TRIP11: variants seen among roughly 807,000 people sequenced by gnomAD.
TRIP11 encodes thyroid receptor-interacting protein 11.
TRIP11 carries 148 observed loss-of-function variants against 223.1 expected under a neutral mutation model. That is an observed-to-expected ratio of 0.66 (90% CI 0.58 to 0.76). The LOEUF (loss-of-function observed/expected upper bound fraction) is 0.76, where lower values mean the gene tolerates loss of function less well. Among genes scored for constraint, TRIP11 ranks in the 30% least tolerant of loss-of-function variants. The pLI is 0.00. For synonymous variants in TRIP11, 762 were observed against 772.6 expected (o/e 0.99, Z 0.23); for missense variants, 2,043 against 2,222.0 (o/e 0.92, Z 1.62).
chr14:92,026,404 TAAG>T (rs1486601539), intron 2 of TRIP11, among the ~76,000 whole-genome samples: 1 of 152,158 alleles, frequency 6.6e-6, no homozygotes, highest in African/African-American at 2.4e-5. Flanking sequence ...AATGAAATAA[TAAG>T]AACATAATGG....
At chr14:91,992,908 CAAAAAAAAA>C (rs550702989) in intron 15 of TRIP11, among the ~76,000 whole-genome samples, 7 of 29,250 alleles carry the variant, frequency 2.4e-4, no homozygotes, top group Non-Finnish European at 4.4e-4. Flanking sequence ...GACTCCGTCT[CAAAAAAAAA>C]AAAAAAAAAA....
At chr14:92,029,400 A>G (rs1223768398) in intron 2 of TRIP11, among the ~76,000 whole-genome samples, 1 of 145,758 alleles carries the variant, frequency 6.9e-6, no homozygotes, top group African/African-American at 2.6e-5. Context: ...GGTTCAAGCA[A>G]TTCTCCTGCC....
chr14:92,035,003 C>A (rs1441938314), intron 1 of TRIP11, among the ~76,000 whole-genome samples: 1 of 151,646 alleles, frequency 6.6e-6, no homozygotes, highest in Non-Finnish European at 1.5e-5. Context: ...ACCACTAATG[C>A]TGTTAGAAAA....
At chr14:91,992,134 T>C (rs1054956351) in intron 15 of TRIP11, among the ~76,000 whole-genome samples, 11 of 131,696 alleles carry the variant, frequency 8.4e-5, no homozygotes, top group Non-Finnish European at 1.5e-4. Flanking sequence ...TGAATTTACA[T>C]ATAGTTCAAA....
intron 14 of TRIP11, among the ~76,000 whole-genome samples, chr14:91,994,912 A>C (rs1265837766): frequency 6.6e-6 from 1 of 152,254 alleles, no homozygotes; most frequent in Non-Finnish European, 1.5e-5. Flanking sequence ...GAACATGTGA[A>C]TCACCATTTC....
intron 16 of TRIP11, among the ~76,000 whole-genome samples, chr14:91,986,186 T>C (rs1318707970): frequency 6.6e-6 from 1 of 152,194 alleles, no homozygotes; most frequent in African/African-American, 2.4e-5. Context: ...CAATGAATAT[T>C]AGTATTTTCC....
In TRIP11 at chr14:92,037,176, T is replaced by C. The variant is rs1182089194; in HGVS notation, c.139+2371A>G. On this transcript the variant is annotated intron_variant, in intron 1 of 20. Transcript: ENST00000267622. The surrounding 1 kb of genome is among the most constrained non-coding windows in gnomAD (Gnocchi z 4.2). ...CCATTTTTATTGAGCATCTACTATGTGCCAAAAGGAAGGTGTCACATATTT... is the reference window on the plus strand; with the variant it reads ...CCATTTTTATTGAGCATCTACTATGCGCCAAAAGGAAGGTGTCACATATTT... 6.6e-6 allele frequency among the ~76,000 whole-genome samples: 1 copy of C among 152,208 alleles called. No homozygotes were observed. Among genetic ancestry groups the C allele is most frequent in the Non-Finnish European group, 1.5e-5 (1 of 68,046 alleles).
In TRIP11 at chr14:92,015,665, AT is replaced by A. The variant is rs201215430; in HGVS notation, c.823+30del. 7.8e-6 allele frequency: 12 copies of A among 1,532,570 alleles called. No individual in the cohort carries two copies. The African/African-American group carries it at 9.9e-5, about 13-fold the overall frequency. 94.9% of individuals were successfully genotyped at this position (1,532,570 alleles called of 1,614,324 possible). On this transcript the variant is annotated intron_variant, in intron 6 of 20. Transcript: ENST00000267622. ...AGATGGAGACTCCATCTCAAAAAAA[AT>A]AATAATAATAAAGAAATAAAACTAA...
rs2056493380 is a variant in TRIP11 at position 91,978,266 on chromosome 14, G to A, written c.5261-2077C>T. ...TTAACCGTCCCACTCACAAACTAAA[G>A]TAGGAGACAGAGTAAAGATGGGCAT... On this transcript the variant is annotated intron_variant, in intron 16 of 20. Coordinates refer to ENST00000267622, the MANE Select transcript of TRIP11 (RefSeq NM_004239.4). This position sits in a 1 kb window ranked among gnomAD's most constrained non-coding sequence, Gnocchi z 4.4. 1.3e-5 allele frequency among the ~76,000 whole-genome samples: 2 copies of A among 152,032 alleles called. No individual in the cohort carries two copies. Among genetic ancestry groups the A allele is most frequent in the Admixed American group, 6.6e-5 (1 of 15,246 alleles).
intron 3 of TRIP11, 80 bp from the exon 4 acceptor site, chr14:92,021,911 CACAAT>C: frequency 6.9e-7 from 1 of 1,459,792 alleles, no homozygotes; most frequent in Non-Finnish European, 9.4e-7. Flanking sequence ...TATTAAAAGA[CACAAT>C]ACAATAATTT....
At chr14:92,033,351 A>C in intron 1 of TRIP11, 98 bp from the exon 2 acceptor site, 1 of 935,382 alleles carries the variant, frequency 1.1e-6, no homozygotes, top group Admixed American at 2.1e-5. Flanking sequence ...GTTTACACAG[A>C]ATAGTAGGCT....
In TRIP11 at chr14:92,029,899, T is replaced by C. The variant is rs142601129; in HGVS notation, c.201+3293A>G. 3.0e-3 allele frequency among the ~76,000 whole-genome samples: 453 copies of C among 151,632 alleles called. 4 individuals carry two copies. Among genetic ancestry groups the C allele is most frequent in the African/African-American group, 0.01 (428 of 41,380 alleles). On this transcript the variant is annotated intron_variant, in intron 2 of 20. Transcript: ENST00000267622. ...ATATCCTGGAAGAATTTTCTAAAAG[T>C]CAAGAATTGATGAGTGGGCCGGGCG...
intron 11 of TRIP11, 120 bp from the exon 12 acceptor site, chr14:92,000,228 T>C: frequency 6.7e-7 from 1 of 1,484,392 alleles, no homozygotes; most frequent in Non-Finnish European, 9.2e-7. Flanking sequence ...CCTCCCGATT[T>C]ACTCTCTGAG....
At chr14:91,971,228 C>A (rs2056397174) in intron 20 of TRIP11, among the ~76,000 whole-genome samples, 1 of 152,160 alleles carries the variant, frequency 6.6e-6, no homozygotes, top group South Asian at 2.1e-4. Flanking sequence ...ATAAAAAAGA[C>A]CTCCTAAAGC....
Position 92,006,188 on chromosome 14 carries a change from T to A in TRIP11, c.1788A>T (p.Gln596His). The A allele has an allele frequency of 6.2e-7, 1 of 1,613,330 alleles. No homozygotes were observed. The highest frequency in any genetic ancestry group is 8.5e-7 in the Non-Finnish European group (1 of 1,179,810). The change falls in exon 11 of 21, where the codon CAA becomes CAT. Residue 596 changes from glutamine to histidine, a missense_variant. Gln to His is a conservative substitution (Grantham distance 24). Transcript: ENST00000267622. Reference sequence around the variant, plus strand: ...CCTTCTGGATGCTTACATTACTTTCTTGTGATTTATTTAGCTGATCTACTA... The same window carrying A: ...CCTTCTGGATGCTTACATTACTTTCATGTGATTTATTTAGCTGATCTACTA... ...ENLVDQLNKS[Q>H]ESNVSIQKEN...
chr14:92,034,590 G>A (rs1196066280), intron 1 of TRIP11, among the ~76,000 whole-genome samples: 2 of 152,104 alleles, frequency 1.3e-5, no homozygotes, highest in African/African-American at 2.4e-5. Flanking sequence ...AAGTAACATA[G>A]ACACAATTTA....
At chr14:92,034,161 C>T (rs1475307213) in intron 1 of TRIP11, among the ~76,000 whole-genome samples, 1 of 152,096 alleles carries the variant, frequency 6.6e-6, no homozygotes, top group Non-Finnish European at 1.5e-5. Context: ...GGTGGCTCAC[C>T]GCCTGTAATC....
intron 15 of TRIP11, among the ~76,000 whole-genome samples, chr14:91,992,019 T>C (rs1237317330): frequency 7.1e-6 from 1 of 139,978 alleles, no homozygotes; most frequent in Non-Finnish European, 1.5e-5. Flanking sequence ...GGGCAAAGGT[T>C]GTAGTGAGCT....
chr14:92,003,940 G>A lies in TRIP11; in HGVS notation c.4036C>T (p.Gln1346Ter). 6.2e-7 allele frequency: 1 copy of A among 1,614,122 alleles called. No individual in the cohort carries two copies. Among genetic ancestry groups the A allele is most frequent in the African/African-American group, 1.3e-5 (1 of 75,056 alleles). Reference protein sequence around the residue: ...EVLSESSELLQQELEELRKSL... With the variant: ...EVLSESSELL The stretch of plus-strand genomic sequence containing the variant: ...TTTCTTAGCTCTTCTAACTCTTGCT[G>A]AAGCAATTCAGAAGATTCACTCAAT... Residue 1346 changes from glutamine (Q) to a stop codon, truncating the protein, a stop_gained, in exon 11 of 21, where the codon CAG (glutamine) becomes TAG (stop). Coordinates refer to ENST00000267622, the MANE Select transcript of TRIP11 (RefSeq NM_004239.4). LOFTEE classifies it high-confidence loss of function.
Sources: allele counts gnomAD v4.1 joint callset (sites outside exome capture counted in the v4.1 genomes callset), GRCh38; gene constraint gnomAD v4.1.1; non-coding constraint Gnocchi (gnomAD v3.1); transcripts MANE v1.5; gene names NCBI Gene and HGNC (gene_info 2026-07-23, HGNC 2026-07-21).